GLIS3: variants seen among roughly 807,000 people sequenced by gnomAD.
GLIS3 encodes the protein zinc finger protein GLIS3.
Under a neutral mutation model 78.6 loss-of-function variants are expected in GLIS3, and 53 were observed. That is an observed-to-expected ratio of 0.67 (90% CI 0.54 to 0.85). The LOEUF (loss-of-function observed/expected upper bound fraction) is 0.85, where lower values mean the gene tolerates loss of function less well. GLIS3 is among the 40% of genes least tolerant of loss of function. GLIS3 has a pLI of 0.00. For missense variants in GLIS3, 1,703 were observed against 1,231.1 expected, an observed-to-expected ratio of 1.38 and a Z score of -5.74; for synonymous variants, 684 against 509.9, an observed-to-expected ratio of 1.34 and a Z score of -4.60.
the GLIS3 span, among the ~76,000 whole-genome samples, chr9:4,391,547 A>AGG: frequency 0.012 from 1,676 of 139,900 alleles, 28 homozygotes; most frequent in African/African-American, 0.045. Flanking sequence ...CCATTCTAAG[A>AGG]GGGGTGTGTG....
intron 2 of GLIS3, among the ~76,000 whole-genome samples, chr9:4,326,919 A>G (rs531492817): frequency 6.6e-6 from 1 of 152,300 alleles, no homozygotes; most frequent in South Asian, 2.1e-4. Flanking sequence ...CCTTCTCACC[A>G]CCAAAGGATA....
intron 2 of GLIS3, among the ~76,000 whole-genome samples, chr9:4,263,041 C>T (rs1193557356): frequency 6.6e-6 from 1 of 152,018 alleles, no homozygotes; most frequent in Non-Finnish European, 1.5e-5. Context: ...TAGAATGTTT[C>T]CAGTGCAACC....
chr9:4,129,888 G>T (rs1214864818), intron 2 of GLIS3, among the ~76,000 whole-genome samples: 2 of 152,210 alleles, frequency 1.3e-5, no homozygotes, highest in East Asian at 3.8e-4. Context: ...ACTTCCTAGA[G>T]ACTGCCCGAA....
At chr9:4,033,864 TAAAAAAAAAAAA>T (rs34745570) in intron 4 of GLIS3, among the ~76,000 whole-genome samples, 112 of 68,004 alleles carry the variant, frequency 1.6e-3, no homozygotes, top group African/African-American at 6.4e-3. Flanking sequence ...AGGCGAAGGA[TAAAAAAAAAAAA>T]AAAAAAAAAA....
At chr9:3,841,151 C>G (rs570879418) in intron 9 of GLIS3, among the ~76,000 whole-genome samples, 4 of 152,274 alleles carry the variant, frequency 2.6e-5, no homozygotes, top group African/African-American at 9.6e-5. Flanking sequence ...ATCCCCAAAC[C>G]ACCCAAAACC....
intron 2 of GLIS3, among the ~76,000 whole-genome samples, chr9:4,237,214 C>T (rs955311405): frequency 2.0e-5 from 3 of 151,332 alleles, no homozygotes; most frequent in African/African-American, 7.3e-5. Flanking sequence ...AGAAAATATC[C>T]TTCAAAATAA....
At chr9:4,206,812 G>A (rs1166420282) in intron 2 of GLIS3, among the ~76,000 whole-genome samples, 2 of 152,194 alleles carry the variant, frequency 1.3e-5, no homozygotes, top group African/African-American at 4.8e-5. Context: ...TTATTGAAAT[G>A]CGACCTGTCA....
At chr9:4,221,300 T>C (rs966646718) in intron 2 of GLIS3, among the ~76,000 whole-genome samples, 15 of 152,348 alleles carry the variant, frequency 9.8e-5, no homozygotes, top group African/African-American at 3.4e-4. Flanking sequence ...TTTATATTAT[T>C]CTTAAACCTT....
chr9:4,048,477 T>C (rs1365947414), intron 4 of GLIS3, among the ~76,000 whole-genome samples: 1 of 152,126 alleles, frequency 6.6e-6, no homozygotes, highest in African/African-American at 2.4e-5. Context: ...TAAGCCATTC[T>C]CATAAATAGA....
At chr9:4,286,979 G>A (rs1165639789) in intron 1 of GLIS3, among the ~76,000 whole-genome samples, 1 of 152,064 alleles carries the variant, frequency 6.6e-6, no homozygotes, top group Non-Finnish European at 1.5e-5. Flanking sequence ...GAGACTATGG[G>A]GACACTAAAC....
chr9:4,473,227 G>A, the GLIS3 span, among the ~76,000 whole-genome samples: 7 of 151,946 alleles, frequency 4.6e-5, no homozygotes, highest in African/African-American at 9.7e-5. Flanking sequence ...GGAATACTAC[G>A]CAGCCATAGA....
chr9:3,926,605 CTCCT>C (rs932207905), intron 6 of GLIS3, among the ~76,000 whole-genome samples: 6 of 150,112 alleles, frequency 4.0e-5, no homozygotes, highest in East Asian at 2.0e-4. Flanking sequence ...TTCTTTCTCT[CTCCT>C]TCCTTCCTTC....
At chr9:3,975,571 T>C (rs868290640) in intron 4 of GLIS3, among the ~76,000 whole-genome samples, 24 of 151,964 alleles carry the variant, frequency 1.6e-4, no homozygotes, top group Admixed American at 3.9e-4. Flanking sequence ...CATCATTTTT[T>C]TTTTTTTTGA....
chr9:4,026,189 G>C (rs376304190), intron 4 of GLIS3, among the ~76,000 whole-genome samples: 8 of 152,300 alleles, frequency 5.3e-5, no homozygotes, highest in African/African-American at 1.9e-4. Flanking sequence ...CAACACTCCA[G>C]TGGCTATCTC....
chr9:3,907,701 C>CGTTAT (rs539329361), intron 6 of GLIS3, among the ~76,000 whole-genome samples: 4 of 151,524 alleles, frequency 2.6e-5, no homozygotes, highest in Admixed American at 6.6e-5. Context: ...AATGCTGAGA[C>CGTTAT]GTTATGTTCC....
At chr9:3,961,840 A>G (rs1817578100) in intron 4 of GLIS3, among the ~76,000 whole-genome samples, 1 of 152,230 alleles carries the variant, frequency 6.6e-6, no homozygotes, top group Non-Finnish European at 1.5e-5. Flanking sequence ...CACTTAATAC[A>G]AAAACCAATG....
At chr9:4,478,085 T>C in the GLIS3 span, among the ~76,000 whole-genome samples, 1 of 152,210 alleles carries the variant, frequency 6.6e-6, no homozygotes, top group South Asian at 2.1e-4. Context: ...TGATTCCAGT[T>C]TCAGGGCAAA....
chr9:3,949,810 G>C (rs182613606), intron 4 of GLIS3, among the ~76,000 whole-genome samples: 4 of 152,174 alleles, frequency 2.6e-5, no homozygotes, highest in African/African-American at 9.6e-5. Flanking sequence ...AATGCCTCGA[G>C]AAAGAGAAAA....
chr9:4,128,333 C>T (rs1245521160), intron 2 of GLIS3, among the ~76,000 whole-genome samples: 1 of 152,200 alleles, frequency 6.6e-6, no homozygotes, highest in Non-Finnish European at 1.5e-5. Flanking sequence ...TATAGTGCTT[C>T]AGGGAACTAA....
Sources: gnomAD v4.1 joint callset for allele counts (sites outside exome capture counted in the v4.1 genomes callset) on GRCh38, gnomAD v4.1.1 for gene constraint, MANE v1.5 for transcripts, NCBI Gene and HGNC (gene_info 2026-07-23, HGNC 2026-07-21) for gene names.